Variants in GRID1 observed in about 807,000 individuals in gnomAD.
GRID1 encodes the protein glutamate receptor ionotropic, delta-1.
A neutral mutation model predicts 98.0 loss-of-function variants in GRID1; 28 were observed. The ratio of observed to expected loss-of-function variants is 0.29; its 90% CI spans 0.21 to 0.39. The LOEUF (loss-of-function observed/expected upper bound fraction) is 0.39. GRID1 is among the 10% of genes least tolerant of loss of function. The pLI is 1.00. For synonymous variants in GRID1, 553 were observed against 538.5 expected (o/e 1.03, Z -0.37); for missense variants, 1,111 against 1,340.5 (o/e 0.83, Z 2.67).
chr10:85,738,978 A>G, intron 8 of GRID1, among the ~76,000 whole-genome samples: 1 of 152,174 alleles, frequency 6.6e-6, no homozygotes, highest in Non-Finnish European at 1.5e-5. Flanking sequence ...TATACCTCAA[A>G]TGGATAGATT....
rs138623666 is a variant in GRID1, at chr10:86,236,223, A to G, written c.236-29575T>C. On this transcript the variant is annotated intron_variant, in intron 2 of 15. Coordinates refer to ENST00000327946, the MANE Select transcript of GRID1 (RefSeq NM_017551.3). Reference sequence around the variant, plus strand: ...AAGTATCTATACAAATCTTTTGCCCATTTTGTATTGGGTGGCTTGTCTTAT... The same window carrying G: ...AAGTATCTATACAAATCTTTTGCCCGTTTTGTATTGGGTGGCTTGTCTTAT... Among the ~76,000 whole-genome samples, 156 of 152,256 alleles carry G rather than the reference A, an allele frequency of 1.0e-3. 1 individual carries two copies. Among genetic ancestry groups the G allele is most frequent in the Non-Finnish European group, 1.8e-3 (123 of 68,016 alleles).
intron 3 of GRID1, among the ~76,000 whole-genome samples, chr10:86,150,190 T>C (rs7921149): frequency 0.43 from 65,817 of 152,142 alleles, 17,579 homozygotes; most frequent in African/African-American, 0.75. Flanking sequence ...TCAACAGGCC[T>C]CTCGGGGCAG....
chr10:85,917,870 G>T (rs1467460928), intron 4 of GRID1, among the ~76,000 whole-genome samples: 1 of 152,214 alleles, frequency 6.6e-6, no homozygotes. Context: ...AAGAGCCAGA[G>T]CTCAAAGGAA....
At chr10:86,080,409 A>G (rs533827511) in intron 4 of GRID1, among the ~76,000 whole-genome samples, 1,112 of 28,288 alleles carry the variant, frequency 0.039, 43 homozygotes, top group African/African-American at 0.058. Context: ...AAGGGAAGGG[A>G]AGGGGAGGGG....
intron 13 of GRID1, among the ~76,000 whole-genome samples, chr10:85,635,348 A>T (rs1843026229): frequency 6.6e-6 from 1 of 152,160 alleles, no homozygotes; most frequent in African/African-American, 2.4e-5. Flanking sequence ...AACTCAGTCA[A>T]TTGTATGGCA....
chr10:85,840,895 T>C (rs1842955334), intron 8 of GRID1, among the ~76,000 whole-genome samples: 1 of 152,206 alleles, frequency 6.6e-6, no homozygotes, highest in African/African-American at 2.4e-5. Context: ...ATCAATATTG[T>C]TAAAATGGCC....
chr10:86,221,892 C>CCTCCAT (rs1846259423), intron 2 of GRID1, among the ~76,000 whole-genome samples: 2 of 68,582 alleles, frequency 2.9e-5, no homozygotes, highest in South Asian at 1.3e-3. Context: ...TCCCCCTCCT[C>CCTCCAT]CTCCTTCTCC....
At chr10:85,767,731 C>T (rs1181253810) in intron 8 of GRID1, among the ~76,000 whole-genome samples, 3 of 152,172 alleles carry the variant, frequency 2.0e-5, no homozygotes, top group Non-Finnish European at 2.9e-5. Context: ...TGACTTCATG[C>T]ACACACTTCC....
intron 12 of GRID1, among the ~76,000 whole-genome samples, chr10:85,666,795 C>A (rs1773774677): frequency 6.6e-6 from 1 of 152,136 alleles, no homozygotes; most frequent in African/African-American, 2.4e-5. Context: ...GGACCTTGTT[C>A]TGCCTACCCA....
intron 8 of GRID1, among the ~76,000 whole-genome samples, chr10:85,744,401 CTCAGAAATA>C: frequency 6.6e-6 from 1 of 151,724 alleles, no homozygotes; most frequent in East Asian, 1.9e-4. Context: ...GAACAGAGCC[CTCAGAAATA>C]ACGCTGCATA....
intron 2 of GRID1, among the ~76,000 whole-genome samples, chr10:86,213,514 A>C (rs1832903296): frequency 1.3e-5 from 2 of 152,084 alleles, no homozygotes; most frequent in Admixed American, 1.3e-4. Context: ...GTCTGTGCTG[A>C]AAGCTCAAGA....
chr10:85,739,895 T>C (rs968924073), intron 8 of GRID1, among the ~76,000 whole-genome samples: 1 of 152,224 alleles, frequency 6.6e-6, no homozygotes, highest in African/African-American at 2.4e-5. Context: ...AAGGTAGTTA[T>C]AAGTAGCTGT....
intron 8 of GRID1, among the ~76,000 whole-genome samples, chr10:85,734,832 A>G (rs1044002880): frequency 6.6e-6 from 1 of 152,192 alleles, no homozygotes; most frequent in Non-Finnish European, 1.5e-5. Flanking sequence ...CAGAACATAG[A>G]AAAGCACGGT....
chr10:85,800,514 C>G (rs1209331890), intron 8 of GRID1, among the ~76,000 whole-genome samples: 2 of 148,754 alleles, frequency 1.3e-5, no homozygotes, highest in Non-Finnish European at 3.0e-5. Flanking sequence ...AGAACTATAA[C>G]AACAACAAAA....
At chr10:86,262,654 C>T (rs1282377670) in intron 2 of GRID1, among the ~76,000 whole-genome samples, 1 of 152,222 alleles carries the variant, frequency 6.6e-6, no homozygotes, top group Non-Finnish European at 1.5e-5. Flanking sequence ...TGTTAACAAA[C>T]TGAGCTCAGA....
intron 8 of GRID1, among the ~76,000 whole-genome samples, chr10:85,770,182 T>G (rs1327770227): frequency 6.6e-6 from 1 of 152,158 alleles, no homozygotes; most frequent in Non-Finnish European, 1.5e-5. Context: ...AATCTGCTGT[T>G]CTGCAGCCAC....
intron 13 of GRID1, among the ~76,000 whole-genome samples, chr10:85,645,241 T>C (rs1441142924): frequency 5.3e-5 from 8 of 152,248 alleles, no homozygotes; most frequent in Admixed American, 4.6e-4. Context: ...TGGCTCTCTC[T>C]GAGAGTCAAA....
intron 4 of GRID1, among the ~76,000 whole-genome samples, chr10:86,029,347 TA>T (rs1246394968): frequency 1.1e-4 from 16 of 152,136 alleles, no homozygotes; most frequent in African/African-American, 3.9e-4. Context: ...ATCCAAAATC[TA>T]GGAGAGGATC....
At chr10:86,155,936 C>A (rs534597483) in intron 3 of GRID1, among the ~76,000 whole-genome samples, 2 of 152,304 alleles carry the variant, frequency 1.3e-5, no homozygotes, top group African/African-American at 4.8e-5. Flanking sequence ...TCAAGGGTGA[C>A]CATGCCTGCT....
Sources: allele counts gnomAD v4.1 joint callset (sites outside exome capture counted in the v4.1 genomes callset), GRCh38; gene constraint gnomAD v4.1.1; transcripts MANE v1.5; gene names NCBI Gene and HGNC (gene_info 2026-07-23, HGNC 2026-07-21).